Variants in UBXN8 observed in about 807,000 individuals in gnomAD.
The protein encoded by UBXN8 is UBX domain-containing protein 8.
UBXN8 carries 27 observed loss-of-function variants against 32.1 expected under a neutral mutation model. The ratio of observed to expected loss-of-function variants is 0.84; its 90% CI spans 0.62 to 1.16. The LOEUF is 1.16. Among genes scored for constraint, UBXN8 ranks in the 50% most tolerant of loss-of-function variants. UBXN8 has a pLI of 0.00. For missense variants in UBXN8, 306 were observed against 311.4 expected, an observed-to-expected ratio of 0.98 and a Z score of 0.13; for synonymous variants, 109 against 111.8, an observed-to-expected ratio of 0.98 and a Z score of 0.16.
At chr8:30,730,971 C>T (rs567630061), upstream of UBXN8, among the ~76,000 whole-genome samples, 3 of 152,292 alleles carry the variant, frequency 2.0e-5, no homozygotes, top group Middle Eastern at 3.4e-3. Context: ...GGCGAAATGC[C>T]GAGCTGTTAG....
At chr8:30,740,087 T>G (rs1805164865), upstream of UBXN8, among the ~76,000 whole-genome samples, 1 of 140,746 alleles carries the variant, frequency 7.1e-6, no homozygotes, top group Non-Finnish European at 1.5e-5. Context: ...TGTGTTTTTT[T>G]GTAGAGATGG....
intron 1 of UBXN8, among the ~76,000 whole-genome samples, chr8:30,737,763 A>G (rs1477588131): frequency 6.6e-6 from 1 of 152,044 alleles, no homozygotes; most frequent in African/African-American, 2.4e-5. Context: ...TGGGAGGATC[A>G]CGTGGGCCTG....
chr8:30,745,628 C>T (rs1215254373), intron 1 of UBXN8, among the ~76,000 whole-genome samples: 1 of 152,246 alleles, frequency 6.6e-6, no homozygotes, highest in African/African-American at 2.4e-5. Flanking sequence ...GCTTCTCACT[C>T]ACTCAAGCTG....
At chr8:30,760,443 A>ATATATATATATATATAT (rs1196366158) in intron 5 of UBXN8, among the ~76,000 whole-genome samples, 2 of 91,118 alleles carry the variant, frequency 2.2e-5, no homozygotes, top group African/African-American at 5.1e-5. Context: ...ATATATATAT[A>ATATATATATATATATAT]TTTTTTTTTT....
chr8:30,751,869 CAG>C (rs1343486884), intron 2 of UBXN8, among the ~76,000 whole-genome samples: 1 of 151,172 alleles, frequency 6.6e-6, no homozygotes, highest in African/African-American at 2.4e-5. Context: ...AGCTGTTCTA[CAG>C]AGTCAATGTA....
chr8:30,766,492 G>A lies in UBXN8; in HGVS notation c.*98G>A. 7.8e-7 allele frequency: 1 copy of A among 1,282,452 alleles called. No homozygotes were observed. Among genetic ancestry groups the A allele is most frequent in the South Asian group, 1.7e-5 (1 of 58,400 alleles). The allele number at this position is 1,282,452 out of a possible 1,614,324, so 79.4% of individuals were successfully genotyped here. A position where few individuals can be genotyped will look rare whatever the true frequency, so the allele number is the denominator to read the frequency against. ...TTTCAAATCACACTATACCTTGATT[G>A]AGCTCATGGCAGTAAACTTTGAACA... On this transcript the variant is annotated 3_prime_UTR_variant, in exon 8 of 8. Coordinates refer to ENST00000265616, the MANE Select transcript of UBXN8 (RefSeq NM_005671.4).
intron 1 of UBXN8, among the ~76,000 whole-genome samples, chr8:30,750,473 G>C (rs745313892): frequency 6.6e-6 from 1 of 151,768 alleles, no homozygotes; most frequent in Non-Finnish European, 1.5e-5. Flanking sequence ...GCAAGACCAA[G>C]AAGAGCAACA....
At chr8:30,749,398 A>AAAAAT (rs1554577887) in intron 1 of UBXN8, among the ~76,000 whole-genome samples, 1 of 72,468 alleles carries the variant, frequency 1.4e-5, no homozygotes, top group African/African-American at 4.3e-5. Flanking sequence ...GTCTCAAAAA[A>AAAAAT]AAAAAATAAA....
At chr8:30,732,744 T>A (rs1804994262) in exon 1 of UBXN8, 1 of 152,426 alleles carries the variant, frequency 6.6e-6, no homozygotes, top group South Asian at 2.1e-4. Flanking sequence ...TGTGGGGCCC[T>A]GGCCGAGGCC....
At chr8:30,759,486 C>T (rs540787731) in intron 5 of UBXN8, among the ~76,000 whole-genome samples, 3 of 151,860 alleles carry the variant, frequency 2.0e-5, no homozygotes, top group Admixed American at 6.6e-5. Flanking sequence ...CTGCCTGCCT[C>T]AGCCCCCGAA....
intron 2 of UBXN8, 99 bp downstream of exon 2, chr8:30,751,617 AT>A (rs1294776651): frequency 1.9e-6 from 2 of 1,031,212 alleles, no homozygotes; most frequent in East Asian, 5.5e-5. Flanking sequence ...TTAATTTGTG[AT>A]GTGTAGTTTC....
chr8:30,744,345 A>C (rs1586091546), intron 1 of UBXN8, 68 bp downstream of exon 1: 3 of 1,490,350 alleles, frequency 2.0e-6, no homozygotes, highest in Non-Finnish European at 1.8e-6. Flanking sequence ...GCATAGAACG[A>C]CCGCCTCTTC....
chr8:30,740,540 G>GA (rs1290614817), upstream of UBXN8, among the ~76,000 whole-genome samples: 318 of 120,190 alleles, frequency 2.6e-3, no homozygotes, highest in African/African-American at 8.0e-3. Context: ...CCATCTCCTG[G>GA]AAAAAAAAAA....
Position 30,751,499 on chromosome 8 carries a change from TC to T in UBXN8, c.196del (p.Gln66LysfsTer4). ...CCTCATGGCTTAACTCATTTAAATCTCCCCAAGTTTATCTGAAGGGTAAGTT... is the reference window on the plus strand; with the variant it reads ...CCTCATGGCTTAACTCATTTAAATCTCCCAAGTTTATCTGAAGGGTAAGTT... Reference protein sequence around the residue: ...TTSWLNSFKSPQVYLKEEEEK... With the variant: ...TTSWLNSFKSXQVYLKEEEEK... On this transcript the variant is annotated frameshift_variant, in exon 2 of 8. Transcript: ENST00000265616. LOFTEE classifies it high-confidence loss of function. 6.2e-7 allele frequency: 1 copy of T among 1,603,882 alleles called. No homozygotes were observed. The highest frequency in any genetic ancestry group is 8.5e-7 in the Non-Finnish European group (1 of 1,175,848).
At chr8:30,738,398 C>T (rs1202545536) in intron 1 of UBXN8, among the ~76,000 whole-genome samples, 2 of 151,978 alleles carry the variant, frequency 1.3e-5, no homozygotes, top group Non-Finnish European at 2.9e-5. Flanking sequence ...CGGTGGCTCA[C>T]GCCTGTAATC....
intron 4 of UBXN8, 84 bp downstream of exon 4, chr8:30,754,871 T>C (rs556888915): frequency 1.4e-6 from 2 of 1,476,088 alleles, no homozygotes; most frequent in African/African-American, 3.0e-5. Context: ...AAAATGATGT[T>C]AGACTGCTTT....
At chr8:30,753,617 T>C (rs748947308) in intron 3 of UBXN8, among the ~76,000 whole-genome samples, 1 of 152,092 alleles carries the variant, frequency 6.6e-6, no homozygotes, top group African/African-American at 2.4e-5. Flanking sequence ...AACTACCACC[T>C]CTGTTCCATC....
intron 3 of UBXN8, 153 bp from the exon 4 acceptor site, chr8:30,754,512 G>A: frequency 1.0e-6 from 1 of 994,618 alleles, no homozygotes; most frequent in Non-Finnish European, 1.5e-6. Flanking sequence ...GTCGGCACGA[G>A]CCTCCCCACA....
chr8:30,733,334 C>T (rs983436447), intron 1 of UBXN8: 3 of 152,220 alleles, frequency 2.0e-5, no homozygotes, highest in Non-Finnish European at 4.4e-5. Flanking sequence ...TTTACACTGA[C>T]TCTTGATATG....
Sources: allele counts gnomAD v4.1 joint callset (sites outside exome capture counted in the v4.1 genomes callset), GRCh38; gene constraint gnomAD v4.1.1; transcripts MANE v1.5; gene names NCBI Gene and HGNC (gene_info 2026-07-23, HGNC 2026-07-21).